ANKRD27: variants seen among roughly 807,000 people sequenced by gnomAD.
The protein encoded by ANKRD27 is ankyrin repeat domain-containing protein 27.
ANKRD27 carries 112 observed loss-of-function variants against 129.7 expected under a neutral mutation model. The ratio of observed to expected loss-of-function variants is 0.86; its 90% CI spans 0.74 to 1.01. The LOEUF (loss-of-function observed/expected upper bound fraction) is 1.01, where lower values mean the gene tolerates loss of function less well. Ranked by LOEUF, ANKRD27 falls within the 50% of genes least tolerant of loss-of-function variation. The pLI is 0.00. For synonymous variants in ANKRD27, 516 were observed against 511.2 expected, an observed-to-expected ratio of 1.01 and a Z score of -0.13; for missense variants, 1,258 against 1,300.5, an observed-to-expected ratio of 0.97 and a Z score of 0.50.
chr19:32,622,369 G>A, intron 18 of ANKRD27, 53 bp downstream of exon 18: 2 of 1,590,620 alleles, frequency 1.3e-6, no homozygotes, highest in Non-Finnish European at 1.7e-6. Flanking sequence ...CTAAGCTACG[G>A]ACATCGATCT....
At position 32,644,400 on chromosome 19, in the gene ANKRD27, C is replaced by T. The variant is rs1199960938; in HGVS notation, c.450G>A (p.Glu150=). Residue 150 remains glutamate, a synonymous_variant, in exon 5 of 29, where the codon GAG becomes GAA. Coordinates refer to ENST00000306065, the MANE Select transcript of ANKRD27 (RefSeq NM_032139.3). ...AAGAGGCGATGTTCCTGTCAAATCG[C>T]TCGGAGTGTCTTCCCAAGAACTCTC... is the stretch of plus-strand genomic sequence containing the variant. ...DVREFLGRHS[E]RFDRNIASFH... 1 of 1,613,992 alleles carries T rather than the reference C, an allele frequency of 6.2e-7. No individual in the cohort carries two copies. Among genetic ancestry groups the T allele is most frequent in the Non-Finnish European group, 8.5e-7 (1 of 1,180,028 alleles).
intron 18 of ANKRD27, among the ~76,000 whole-genome samples, chr19:32,621,407 A>G (rs1229584950): frequency 6.6e-6 from 1 of 152,212 alleles, no homozygotes; most frequent in Non-Finnish European, 1.5e-5. Context: ...TGGGTGGATC[A>G]CCTGAGGTCA....
At chr19:32,617,985 C>G (rs75972115) in intron 20 of ANKRD27, among the ~76,000 whole-genome samples, 1 of 151,772 alleles carries the variant, frequency 6.6e-6, no homozygotes, top group Non-Finnish European at 1.5e-5. Flanking sequence ...CTCAAACTCC[C>G]GACCTCAGGT....
chr19:32,637,360 G>A (rs1369123940), intron 12 of ANKRD27: 1 of 152,130 alleles, frequency 6.6e-6, no homozygotes, highest in Non-Finnish European at 1.5e-5. Flanking sequence ...AGTAAAACAG[G>A]CCAGCAGGAC....
Position 32,643,707 on chromosome 19 carries a change from G to A in ANKRD27, c.526-76C>T, listed in dbSNP as rs561289660. ...ACGGGGGAGCCGGAGCGGGTAAGGC[G>A]CACAGAGCTTCAAGTGCTAACACAA... On this transcript the variant is annotated intron_variant, in intron 5 of 28. Coordinates refer to ENST00000306065, the MANE Select transcript of ANKRD27 (RefSeq NM_032139.3). 55 of 1,461,310 alleles carry A rather than the reference G, an allele frequency of 3.8e-5. No homozygotes were observed. In the African/African-American group the frequency reaches 5.1e-4, roughly 14 times the overall value. The allele number at this position is 1,461,310 out of a possible 1,614,324, so 90.5% of individuals were successfully genotyped here.
At chr19:32,668,153 T>C (rs966542482) in intron 1 of ANKRD27, among the ~76,000 whole-genome samples, 1 of 152,122 alleles carries the variant, frequency 6.6e-6, no homozygotes, top group African/African-American at 2.4e-5. Flanking sequence ...CTTTACTTAC[T>C]TACCTTCATT....
Position 32,628,869 on chromosome 19 carries a change from ATG to A in ANKRD27, c.1210-22_1210-21del, listed in dbSNP as rs1383070274. ...AATGTGCTGAAAAGTGACATCCAAG[ATG>A]CTATCCACATGCTGGAATTACTCAA... On this transcript the variant is annotated intron_variant, in intron 13 of 28. Coordinates refer to ENST00000306065, the MANE Select transcript of ANKRD27 (RefSeq NM_032139.3). 4.3e-6 allele frequency: 7 copies of A among 1,613,300 alleles called. No homozygotes were observed. In the African/African-American group the frequency reaches 9.3e-5, roughly 22 times the overall value.
rs753464196 is a variant in ANKRD27 at position 32,626,732 on chromosome 19, T to C, written c.1516A>G (p.Lys506Glu). Residue 506 changes from lysine (K) to glutamate (E), a missense_variant, in exon 16 of 29, where the codon AAG becomes GAG. Coordinates refer to ENST00000306065, the MANE Select transcript of ANKRD27 (RefSeq NM_032139.3). ...GATPLHLACQKGYQSVTLLLL... is the reference protein window; with the variant it reads ...GATPLHLACQEGYQSVTLLLL... The stretch of plus-strand genomic sequence containing the variant: ...CTCACCGTCACGCTCTGGTAGCCCT[T>C]CTGACAGGCCAGGTGGAGCGGAGTG... 6.2e-7 allele frequency: 1 copy of C among 1,609,638 alleles called. No individual in the cohort carries two copies. The highest frequency in any genetic ancestry group is 2.2e-5 in the East Asian group (1 of 44,638).
At chr19:32,654,653 C>G (rs972958213) in intron 2 of ANKRD27, among the ~76,000 whole-genome samples, 1 of 112,212 alleles carries the variant, frequency 8.9e-6, no homozygotes, top group Non-Finnish European at 1.9e-5. Context: ...GCTGGCCTCC[C>G]TGATTCTTTT....
chr19:32,666,560 C>G (rs1449835791), intron 1 of ANKRD27: 1 of 152,178 alleles, frequency 6.6e-6, no homozygotes, highest in Non-Finnish European at 1.5e-5. Flanking sequence ...CTCCTCATCA[C>G]CCCTGGTCTG....
chr19:32,629,420 C>T (rs1898884616), intron 13 of ANKRD27, among the ~76,000 whole-genome samples: 1 of 152,100 alleles, frequency 6.6e-6, no homozygotes, highest in South Asian at 2.1e-4. Context: ...CAATGACATG[C>T]CTGGAGCGGT....
intron 10 of ANKRD27, among the ~76,000 whole-genome samples, chr19:32,640,697 T>A (rs1898200986): frequency 6.6e-6 from 1 of 151,572 alleles, no homozygotes; most frequent in Non-Finnish European, 1.5e-5. Flanking sequence ...AGGCCAGGAG[T>A]CTGAGGCCAG....
At chr19:32,618,667 G>A (rs1971960327) in intron 20 of ANKRD27, among the ~76,000 whole-genome samples, 1 of 152,074 alleles carries the variant, frequency 6.6e-6, no homozygotes, top group African/African-American at 2.4e-5. Context: ...GGGACACTAT[G>A]GTAGGGTCAG....
At chr19:32,664,055 CA>C (rs869264224) in intron 1 of ANKRD27, among the ~76,000 whole-genome samples, 37 of 31,426 alleles carry the variant, frequency 1.2e-3, no homozygotes, top group East Asian at 3.2e-3. Context: ...GACTCTGTCT[CA>C]AAAAAAAAAA....
chr19:32,643,753 T>A, intron 5 of ANKRD27, 122 bp from the exon 6 acceptor site: 1 of 1,019,434 alleles, frequency 9.8e-7, no homozygotes, highest in Non-Finnish European at 1.5e-6. Flanking sequence ...GTCAATTACG[T>A]GATTTTTCTC....
chr19:32,604,570 C>A (rs1190501903), intron 24 of ANKRD27, 146 bp from the exon 25 acceptor site: 11 of 834,160 alleles, frequency 1.3e-5, no homozygotes, highest in Non-Finnish European at 1.2e-5. Flanking sequence ...AAAAGTAATA[C>A]TGAGAAAAAA....
chr19:32,607,129 A>G (rs1294330450), intron 23 of ANKRD27, among the ~76,000 whole-genome samples: 13 of 132,536 alleles, frequency 9.8e-5, no homozygotes, highest in Admixed American at 8.4e-4. Context: ...TGGGAGACAG[A>G]GCAAGGTGAT....
chr19:32,600,239 TA>T, intron 26 of ANKRD27, 189 bp from the exon 27 acceptor site: 1 of 484,708 alleles, frequency 2.1e-6, no homozygotes, highest in Non-Finnish European at 3.7e-6. Context: ...TCCAAAAATC[TA>T]AAGCCTAAAA....
intron 1 of ANKRD27, among the ~76,000 whole-genome samples, chr19:32,668,980 A>G (rs902563452): frequency 5.3e-5 from 8 of 151,832 alleles, no homozygotes; most frequent in African/African-American, 1.9e-4. Flanking sequence ...CCATTCATTC[A>G]TTCATTCATT....
Sources: gnomAD v4.1 joint callset for allele counts (sites outside exome capture counted in the v4.1 genomes callset) on GRCh38, gnomAD v4.1.1 for gene constraint, MANE v1.5 for transcripts, NCBI Gene and HGNC (gene_info 2026-07-23, HGNC 2026-07-21) for gene names.